The following PCDHA3 variants were observed in gnomAD, a reference collection of about 807,000 sequenced individuals.
PCDHA3 encodes protocadherin alpha 3.
PCDHA3 carries 41 observed loss-of-function variants against 62.2 expected under a neutral mutation model. The ratio of observed to expected loss-of-function variants is 0.66; its 90% CI spans 0.51 to 0.86. The LOEUF is 0.86. PCDHA3 is among the 40% of genes least tolerant of loss of function. The probability of loss-of-function intolerance (pLI) is 0.00; values close to 1 mark genes in which losing one functional copy is unlikely to be tolerated. For missense variants in PCDHA3, 1,304 were observed against 1,241.2 expected (o/e 1.05, Z -0.76); for synonymous variants, 640 against 555.4 (o/e 1.15, Z -2.14).
chr5:140,882,930 A>C, intron 1 of PCDHA3: 8 of 1,614,214 alleles, frequency 5.0e-6, no homozygotes, highest in Non-Finnish European at 6.8e-6. Context: ...GGTAAACCCG[A>C]GCTGACTGGC....
intron 3 of PCDHA3, among the ~76,000 whole-genome samples, chr5:140,996,776 A>G (rs1554255393): frequency 6.6e-6 from 1 of 152,206 alleles, no homozygotes; most frequent in Non-Finnish European, 1.5e-5. Flanking sequence ...TAAAATGAGT[A>G]GTGCCTCACT....
At chr5:140,851,411 A>T in intron 1 of PCDHA3, 1 of 962,208 alleles carries the variant, frequency 1.0e-6, no homozygotes, top group Non-Finnish European at 1.3e-6. Flanking sequence ...ATAAGAAAGA[A>T]ACTTCCCCTA....
chr5:140,875,865 G>C (rs782211791), intron 1 of PCDHA3: 6 of 1,614,160 alleles, frequency 3.7e-6, no homozygotes, highest in Non-Finnish European at 5.1e-6. Context: ...ACAACCCGCC[G>C]GTGTTCAGAG....
intron 1 of PCDHA3, chr5:140,809,604 C>A: frequency 6.6e-7 from 1 of 1,525,754 alleles, no homozygotes; most frequent in South Asian, 1.3e-5. Context: ...GTTTAATTTT[C>A]GTATTGTTTT....
Position 140,894,245 on chromosome 5 carries a change from C to T in PCDHA3, c.2395-84704C>T, listed in dbSNP as rs1273703512. ...AGATGTTGAATGACAATGTAATTTT[C>T]TTTTCTTTACAAGTGGTAGCTTATT... On this transcript the variant is annotated intron_variant, in intron 1 of 3. Coordinates refer to ENST00000522353, the MANE Select transcript of PCDHA3 (RefSeq NM_018906.3). 4.0e-5 allele frequency among the ~76,000 whole-genome samples: 6 copies of T among 151,858 alleles called. No homozygotes were observed. In the East Asian group the frequency reaches 1.2e-3, roughly 29 times the overall value.
intron 1 of PCDHA3, chr5:140,856,374 T>A (rs568319142): frequency 1.3e-6 from 2 of 1,598,376 alleles, no homozygotes; most frequent in Middle Eastern, 3.3e-4. Context: ...GAGGTGATCG[T>A]GGACAGGCCG....
chr5:140,880,381 A>C (rs2058322833), intron 1 of PCDHA3, among the ~76,000 whole-genome samples: 1 of 152,196 alleles, frequency 6.6e-6, no homozygotes, highest in Admixed American at 6.5e-5. Context: ...GAGAATAGAA[A>C]ATAATTTTTA....
At position 140,807,525 on chromosome 5, in the gene PCDHA3, C is replaced by A. The variant is rs367896801; in HGVS notation, c.2394+3934C>A. 5.0e-6 allele frequency: 8 copies of A among 1,614,052 alleles called. No individual in the cohort carries two copies. The East Asian group carries it at 1.3e-4, about 27-fold the overall frequency. ...CACCTGGAGGTGATCGTAGACAGGC[C>A]GCTGCAGGTTTTCCATGTGGACGTG... On this transcript the variant is annotated intron_variant, in intron 1 of 3. Transcript: ENST00000522353.
In PCDHA3 at chr5:140,846,436, G is replaced by T. The variant is rs191314082; in HGVS notation, c.2394+42845G>T. ...ATCTCCCAGGCTGGAATGCAGTGGCGCAATCTCGGCTCACTGCAACCTCTG... is the reference window on the plus strand; with the variant it reads ...ATCTCCCAGGCTGGAATGCAGTGGCTCAATCTCGGCTCACTGCAACCTCTG... On this transcript the variant is annotated intron_variant, in intron 1 of 3. Transcript: ENST00000522353. 7.4e-4 allele frequency among the ~76,000 whole-genome samples: 97 copies of T among 131,384 alleles called. 7 individuals carry two copies. The highest frequency in any genetic ancestry group is 2.7e-3 in the Admixed American group (32 of 11,706). The allele number at this position is 131,384 out of a possible 152,430, so 86.2% of individuals were successfully genotyped here.
Position 140,801,740 on chromosome 5 carries a change from C to A in PCDHA3, c.543C>A (p.Asp181Glu). 6.2e-7 allele frequency: 1 copy of A among 1,613,818 alleles called. No homozygotes were observed. The change falls in exon 1 of 4, where the codon GAC (aspartate) becomes GAA (glutamate). Residue 181 changes from aspartate (D) to glutamate (E), a missense_variant. Transcript: ENST00000522353. Reference sequence around the variant, plus strand: ...ATTCCACTGAATATTTTACCTTGGACGTTAAAAGAAATGATGAGGAAATTA... The same window carrying A: ...ATTCCACTGAATATTTTACCTTGGAAGTTAAAAGAAATGATGAGGAAATTA... The part of the protein sequence containing the change: ...SLDSTEYFTL[D>E]VKRNDEEIKS...
intron 1 of PCDHA3, among the ~76,000 whole-genome samples, chr5:140,819,386 C>T (rs1766549033): frequency 6.6e-6 from 1 of 152,040 alleles, no homozygotes. Context: ...TTTCTAAAGG[C>T]TTTTAGTGAA....
Position 140,842,122 on chromosome 5 carries a change from T to A in PCDHA3, c.2394+38531T>A, listed in dbSNP as rs2150329697. On this transcript the variant is annotated intron_variant, in intron 1 of 3. Transcript: ENST00000522353. Reference sequence around the variant, plus strand: ...CAACAGTTATCAAACTGAATGCTTCTGATCCGGATGAAGGAGCCAATGGGG... The same window carrying A: ...CAACAGTTATCAAACTGAATGCTTCAGATCCGGATGAAGGAGCCAATGGGG... 9 of 1,613,784 alleles carry A rather than the reference T, an allele frequency of 5.6e-6. No individual in the cohort carries two copies. In the South Asian group the frequency reaches 8.8e-5, roughly 16 times the overall value.
chr5:140,858,019 G>C (rs377389644), intron 1 of PCDHA3: 2 of 1,596,850 alleles, frequency 1.3e-6, no homozygotes, highest in Non-Finnish European at 1.7e-6. Flanking sequence ...GCGAGCCGTC[G>C]CTGACGGCCA....
chr5:140,831,510 TG>T (rs1269188191), intron 1 of PCDHA3, among the ~76,000 whole-genome samples: 3 of 137,202 alleles, frequency 2.2e-5, no homozygotes, highest in Non-Finnish European at 4.6e-5. Flanking sequence ...AGCACCACCA[TG>T]CCCCCCACCT....
chr5:140,831,947 A>G (rs1581926108), intron 1 of PCDHA3, among the ~76,000 whole-genome samples: 1 of 152,334 alleles, frequency 6.6e-6, no homozygotes, highest in East Asian at 1.9e-4. Flanking sequence ...AGAGGAAAAG[A>G]AAAACTTTAT....
Position 140,849,728 on chromosome 5 carries a change from A to C in PCDHA3, c.2394+46137A>C, listed in dbSNP as rs144507871. ...ATTACTACTCGTTGGTGCTGGACAG[A>C]GCTCTGGACCGCGAGAGTGTGTCCG... On this transcript the variant is annotated intron_variant, in intron 1 of 3. Transcript: ENST00000522353. 513 of 1,598,410 alleles carry C rather than the reference A, an allele frequency of 3.2e-4. 33 individuals carry two copies. In the African/African-American group the frequency reaches 4.5e-3, roughly 14 times the overall value.
chr5:140,958,672 A>G (rs1554223601), intron 1 of PCDHA3, among the ~76,000 whole-genome samples: 1 of 152,218 alleles, frequency 6.6e-6, no homozygotes, highest in African/African-American at 2.4e-5. Context: ...AATTTTAATT[A>G]TAAAGGATAT....
At chr5:140,828,672 T>G in intron 1 of PCDHA3, 2 of 1,614,182 alleles carry the variant, frequency 1.2e-6, no homozygotes, top group South Asian at 2.2e-5. Context: ...CAAATTGGGC[T>G]CTTATTAAAG....
Position 140,803,526 on chromosome 5 carries a change from C to A in PCDHA3, c.2329C>A (p.Pro777Thr). 1 of 1,614,218 alleles carries A rather than the reference C, an allele frequency of 6.2e-7. No homozygotes were observed. Among genetic ancestry groups the A allele is most frequent in the Non-Finnish European group, 8.5e-7 (1 of 1,180,034 alleles). ...CCTCATGGCTTTTAGCCCTAGCCTT[C>A]CTCCTTGTCCAATTAGCCGGGATAG... ...TDLMAFSPSL[P>T]PCPISRDREE... The change falls in exon 1 of 4, where the codon CCT (proline) becomes ACT (threonine). Residue 777 changes from proline to threonine, a missense_variant. By Grantham distance (38) the Pro-to-Thr change is conservative. Transcript: ENST00000522353.
Sources: allele counts gnomAD v4.1 joint callset (sites outside exome capture counted in the v4.1 genomes callset), GRCh38; gene constraint gnomAD v4.1.1; transcripts MANE v1.5; gene names NCBI Gene and HGNC (gene_info 2026-07-23, HGNC 2026-07-21).